LRBA: variants seen among roughly 807,000 people sequenced by gnomAD.
LRBA encodes LPS responsive beige-like anchor protein.
Under a neutral mutation model 330.0 loss-of-function variants are expected in LRBA, and 176 were observed. The ratio of observed to expected loss-of-function variants is 0.53; its 90% CI spans 0.47 to 0.60. LRBA has a LOEUF of 0.60. LRBA is among the 20% of genes least tolerant of loss of function. LRBA has a pLI of 0.00. For missense variants in LRBA, 3,259 were observed against 3,444.8 expected, an observed-to-expected ratio of 0.95 and a Z score of 1.35; for synonymous variants, 1,230 against 1,193.0, an observed-to-expected ratio of 1.03 and a Z score of -0.64.
At chr4:150,643,528 G>T (rs1186629294) in intron 37 of LRBA, among the ~76,000 whole-genome samples, 1 of 151,870 alleles carries the variant, frequency 6.6e-6, no homozygotes, top group Non-Finnish European at 1.5e-5. Flanking sequence ...GGACAAAAAT[G>T]CTGCATGCAT....
chr4:150,690,367 G>A (rs1392200272), intron 36 of LRBA, among the ~76,000 whole-genome samples: 2 of 152,134 alleles, frequency 1.3e-5, no homozygotes, highest in Admixed American at 6.6e-5. Flanking sequence ...GTTTGGCATG[G>A]TGGCACACGC....
chr4:150,808,285 A>G, intron 32 of LRBA, 35 bp downstream of exon 32: 1 of 1,365,088 alleles, frequency 7.3e-7, no homozygotes, highest in South Asian at 1.2e-5. Flanking sequence ...ATCAAAAGGT[A>G]TAAATCACAA....
intron 47 of LRBA, among the ~76,000 whole-genome samples, 196 bp downstream of exon 47, chr4:150,415,242 C>T (rs1359255970): frequency 1.3e-5 from 2 of 152,156 alleles, no homozygotes; most frequent in Non-Finnish European, 2.9e-5. Context: ...ATAAAAGAAA[C>T]TATTACTTTA....
chr4:150,552,034 C>A (rs866461657), intron 40 of LRBA, among the ~76,000 whole-genome samples: 5 of 152,144 alleles, frequency 3.3e-5, no homozygotes, highest in African/African-American at 1.2e-4. Flanking sequence ...ATAAGGAGCA[C>A]GCAACCTAGT....
At chr4:150,706,797 G>A (rs997674823) in intron 36 of LRBA, among the ~76,000 whole-genome samples, 2 of 151,520 alleles carry the variant, frequency 1.3e-5, no homozygotes, top group African/African-American at 4.8e-5. Context: ...CATGCTCACA[G>A]AAAGGGAAAT....
At chr4:150,899,325 G>A (rs774983634) in intron 14 of LRBA, among the ~76,000 whole-genome samples, 12 of 152,162 alleles carry the variant, frequency 7.9e-5, no homozygotes, top group Non-Finnish European at 1.5e-4. Flanking sequence ...AAGCGAATAT[G>A]TGAAAACAGC....
chr4:150,365,868 TAAATC>T (rs1739400281), intron 47 of LRBA, among the ~76,000 whole-genome samples: 1 of 151,986 alleles, frequency 6.6e-6, no homozygotes, highest in African/African-American at 2.4e-5. Context: ...TTGATTTCCT[TAAATC>T]AAACTACTAT....
At chr4:150,785,168 G>C (rs1402046381) in intron 34 of LRBA, among the ~76,000 whole-genome samples, 1 of 152,158 alleles carries the variant, frequency 6.6e-6, no homozygotes, top group African/African-American at 2.4e-5. Context: ...TTTGGATTGG[G>C]GATGAAATCA....
chr4:150,642,309 T>C (rs1208810950), intron 37 of LRBA, among the ~76,000 whole-genome samples: 1 of 152,034 alleles, frequency 6.6e-6, no homozygotes, highest in East Asian at 1.9e-4. Flanking sequence ...TGCGGGAGAA[T>C]GGTATAACAT....
intron 40 of LRBA, among the ~76,000 whole-genome samples, chr4:150,495,106 T>A (rs1759431049): frequency 6.6e-6 from 1 of 152,276 alleles, no homozygotes; most frequent in African/African-American, 2.4e-5. Flanking sequence ...AAGAAAGTGA[T>A]AAATGCATTA....
At chr4:150,720,369 C>T (rs1251500653) in intron 36 of LRBA, among the ~76,000 whole-genome samples, 1 of 151,772 alleles carries the variant, frequency 6.6e-6, no homozygotes, top group African/African-American at 2.4e-5. Flanking sequence ...AACAACATAA[C>T]AAAAACATAA....
At chr4:150,329,594 G>A (rs1259164210) in intron 48 of LRBA, among the ~76,000 whole-genome samples, 1 of 151,750 alleles carries the variant, frequency 6.6e-6, no homozygotes, top group Non-Finnish European at 1.5e-5. Context: ...ACTTAAGCTT[G>A]CTTTCTTGGA....
intron 46 of LRBA, among the ~76,000 whole-genome samples, chr4:150,419,388 G>A (rs1386582109): frequency 6.6e-6 from 1 of 152,044 alleles, no homozygotes; most frequent in African/African-American, 2.4e-5. Flanking sequence ...TGAAGAAAAC[G>A]ATGGACTAAA....
intron 35 of LRBA, among the ~76,000 whole-genome samples, chr4:150,738,996 T>C (rs922315842): frequency 1.3e-5 from 2 of 152,134 alleles, no homozygotes; most frequent in East Asian, 1.9e-4. Context: ...TTTTAAGGCA[T>C]ATGATGCTTG....
chr4:150,339,844 C>CT (rs33987955), intron 48 of LRBA, among the ~76,000 whole-genome samples: 4,578 of 137,014 alleles, frequency 0.033, 158 homozygotes, highest in African/African-American at 0.086. Context: ...GCTCCTTTTC[C>CT]TTTTTTTTTT....
chr4:150,355,325 A>T (rs1561058924), intron 47 of LRBA, among the ~76,000 whole-genome samples: 1 of 152,182 alleles, frequency 6.6e-6, no homozygotes, highest in Admixed American at 6.5e-5. Context: ...TTACCTCAAG[A>T]CCAAGAAACC....
At chr4:150,728,195 A>G (rs1317051088) in intron 36 of LRBA, among the ~76,000 whole-genome samples, 1 of 152,176 alleles carries the variant, frequency 6.6e-6, no homozygotes, top group Non-Finnish European at 1.5e-5. Context: ...ATAACAAGTG[A>G]CAAGAGTGAA....
chr4:150,435,061 G>A (rs945977217), intron 46 of LRBA, among the ~76,000 whole-genome samples: 2 of 151,762 alleles, frequency 1.3e-5, no homozygotes, highest in African/African-American at 4.8e-5. Context: ...CTTACAGGGA[G>A]AGGCCGGGCG....
At chr4:150,926,794 C>A (rs747393807) in intron 4 of LRBA, among the ~76,000 whole-genome samples, 2 of 152,080 alleles carry the variant, frequency 1.3e-5, no homozygotes, top group Non-Finnish European at 2.9e-5. Context: ...AGAAAGAGAC[C>A]AGGCATGGTG....
Sources: allele counts gnomAD v4.1 joint callset (sites outside exome capture counted in the v4.1 genomes callset), GRCh38; gene constraint gnomAD v4.1.1; transcripts MANE v1.5; gene names NCBI Gene and HGNC (gene_info 2026-07-23, HGNC 2026-07-21).